MAP2: variants seen among roughly 807,000 people sequenced by gnomAD.
MAP2 encodes the protein microtubule associated protein 2.
Under a neutral mutation model 137.6 loss-of-function variants are expected in MAP2, and 14 were observed. The observed-to-expected ratio is 0.10, with a 90% CI of 0.07 to 0.16. The LOEUF (loss-of-function observed/expected upper bound fraction) is 0.16, where lower values mean the gene tolerates loss of function less well. MAP2 is among the 10% of genes least tolerant of loss of function. The pLI, the probability that MAP2 is intolerant of heterozygous loss-of-function variation, is 1.00. For synonymous variants in MAP2, 786 were observed against 782.3 expected (o/e 1.00, Z -0.08); for missense variants, 2,088 against 2,191.5 (o/e 0.95, Z 0.94).
In MAP2 at chr2:209,456,200, C is replaced by T. The variant is rs116097265; in HGVS notation, c.-222+31924C>T. On this transcript the variant is annotated intron_variant, in intron 1 of 15. Coordinates refer to ENST00000682079, the MANE Select transcript of MAP2 (RefSeq NM_001375505.1). Reference sequence around the variant, plus strand: ...GGTGAATCCTGTCACTTTCAGGAATCGGAAAGGATTTATAAGATCTTCCAG... The same window carrying T: ...GGTGAATCCTGTCACTTTCAGGAATTGGAAAGGATTTATAAGATCTTCCAG... Among the ~76,000 whole-genome samples, 267 of 152,190 alleles carry T rather than the reference C, an allele frequency of 1.8e-3. 1 individual carries two copies. The highest frequency in any genetic ancestry group is 6.1e-3 in the African/African-American group (255 of 41,526).
At chr2:209,665,606 G>A (rs778682797) in intron 5 of MAP2, among the ~76,000 whole-genome samples, 18 of 152,046 alleles carry the variant, frequency 1.2e-4, no homozygotes, top group Admixed American at 2.0e-4. Flanking sequence ...GTATCGTCTT[G>A]GAAAGATATT....
At chr2:209,515,059 C>T (rs144282816) in intron 2 of MAP2, among the ~76,000 whole-genome samples, 21 of 152,112 alleles carry the variant, frequency 1.4e-4, no homozygotes, top group Non-Finnish European at 2.8e-4. Flanking sequence ...CATAACAAAC[C>T]GACATGGATT....
chr2:209,474,118 C>T (rs1201513250), intron 1 of MAP2, among the ~76,000 whole-genome samples: 1 of 61,594 alleles, frequency 1.6e-5, no homozygotes, highest in Non-Finnish European at 3.1e-5. Flanking sequence ...ACCTTAGATG[C>T]TCTCTATAGT....
At position 209,434,101 on chromosome 2, in the gene MAP2, C is replaced by G. The variant is rs180788822; in HGVS notation, c.-222+9825C>G. Among the ~76,000 whole-genome samples, 217 of 152,130 alleles carry G rather than the reference C, an allele frequency of 1.4e-3. 1 individual carries two copies. The highest frequency in any genetic ancestry group is 5.1e-3 in the African/African-American group (212 of 41,526). On this transcript the variant is annotated intron_variant, in intron 1 of 15. Transcript: ENST00000682079. The stretch of plus-strand genomic sequence containing the variant: ...ATCCAGTTTCATGATAATCTTGAAT[C>G]ATGTATGAGATTAATAAGCAGTGTA...
rs2075821234 is a variant in MAP2, at chr2:209,731,861, T to A, written c.*1464T>A. 6.6e-6 allele frequency: 1 copy of A among 152,022 alleles called. No individual in the cohort carries two copies. The highest frequency in any genetic ancestry group is 2.4e-5 in the African/African-American group (1 of 41,378). 9.4% of individuals were successfully genotyped at this position (152,022 alleles called of 1,614,324 possible). Reference sequence around the variant, plus strand: ...ATCTAAATCAGTTTTTTTCCAAGACTCCAACATTGCACTCTGTAAAGTAAC... The same window carrying A: ...ATCTAAATCAGTTTTTTTCCAAGACACCAACATTGCACTCTGTAAAGTAAC... On this transcript the variant is annotated 3_prime_UTR_variant, in exon 16 of 16. Coordinates refer to ENST00000682079, the MANE Select transcript of MAP2 (RefSeq NM_001375505.1).
At chr2:209,495,779 T>G (rs994246044) in intron 1 of MAP2, among the ~76,000 whole-genome samples, 1 of 152,252 alleles carries the variant, frequency 6.6e-6, no homozygotes, top group African/African-American at 2.4e-5. Flanking sequence ...AATACTCATT[T>G]CCTATAATTG....
chr2:209,504,266 TA>T (rs11389534), intron 1 of MAP2, among the ~76,000 whole-genome samples: 12 of 149,526 alleles, frequency 8.0e-5, no homozygotes, highest in African/African-American at 1.7e-4. Context: ...AACTGAACTT[TA>T]AAAAAAAAAA....
rs1044146752 is a variant in MAP2, at chr2:209,569,256, C to T, written c.-171-10780C>T. 5.3e-5 allele frequency among the ~76,000 whole-genome samples: 8 copies of T among 151,554 alleles called. 1 individual carries two copies. The highest frequency in any genetic ancestry group is 1.9e-4 in the African/African-American group (8 of 41,334). On this transcript the variant is annotated intron_variant, in intron 2 of 15. Transcript: ENST00000682079. ...TCTCATGATTTCTGAAACTTTTAGCCCTAAGACTTTTAGGAAGGTAATTTA... is the reference window on the plus strand; with the variant it reads ...TCTCATGATTTCTGAAACTTTTAGCTCTAAGACTTTTAGGAAGGTAATTTA...
At chr2:209,496,923 G>A (rs1296985214) in intron 1 of MAP2, among the ~76,000 whole-genome samples, 24 of 151,808 alleles carry the variant, frequency 1.6e-4, no homozygotes, top group Admixed American at 1.6e-3. Flanking sequence ...AGGACTACAG[G>A]TGTGCACTAC....
chr2:209,696,545 A>G lies in MAP2; in HGVS notation c.4184A>G (p.Asp1395Gly). The change falls in exon 9 of 16, where the codon GAT (aspartate) becomes GGT (glycine). Residue 1395 changes from aspartate to glycine, a missense_variant. Asp to Gly is a moderately conservative substitution (Grantham distance 94, BLOSUM62 -1). This residue lies in a region of MAP2 where 591 missense variants were observed against 642.6 expected (regional missense o/e 0.92). Coordinates refer to ENST00000682079, the MANE Select transcript of MAP2 (RefSeq NM_001375505.1). ...ADSLWVDTQD[D>G]DRSIMTEQLE... The stretch of plus-strand genomic sequence containing the variant: ...CATGATTTGCTTTGATCCACAGATG[A>G]TGATAGGAGCATCATGACAGAACAG... 3 of 1,609,102 alleles carry G rather than the reference A, an allele frequency of 1.9e-6. No individual in the cohort carries two copies. The highest frequency in any genetic ancestry group is 2.5e-6 in the Non-Finnish European group (3 of 1,178,206).
chr2:209,705,621 A>G lies in MAP2; in HGVS notation c.4626A>G (p.Pro1542=). ...GCCCAGAAAAGCGCTCTTCTCTCCCAAGACCTTCCTCCATTCTCCCTCCTC... is the reference window on the plus strand; with the variant it reads ...GCCCAGAAAAGCGCTCTTCTCTCCCGAGACCTTCCTCCATTCTCCCTCCTC... ...TKSPEKRSSL[P]RPSSILPPRR... The change falls in exon 12 of 16, where the codon CCA becomes CCG. Residue 1542 remains proline (P), a synonymous_variant. Transcript: ENST00000682079. The G allele has an allele frequency of 1.9e-6, 3 of 1,612,878 alleles. No homozygotes were observed. The South Asian group carries it at 3.3e-5, about 18-fold the overall frequency.
chr2:209,703,690 AAGAG>A (rs901168401), intron 11 of MAP2, among the ~76,000 whole-genome samples: 1 of 152,100 alleles, frequency 6.6e-6, no homozygotes, highest in Non-Finnish European at 1.5e-5. Flanking sequence ...TTTAAAGAGA[AAGAG>A]AGACTTGCTT....
chr2:209,444,426 G>A (rs1177719022), intron 1 of MAP2, among the ~76,000 whole-genome samples: 2 of 151,458 alleles, frequency 1.3e-5, no homozygotes, highest in African/African-American at 4.8e-5. Context: ...AGTCTTGTAT[G>A]ACAAGTACGT....
chr2:209,690,791 G>A, intron 7 of MAP2: 1 of 1,289,772 alleles, frequency 7.8e-7, no homozygotes, highest in Non-Finnish European at 1.0e-6. Context: ...TGAGAAAAGT[G>A]TAAAAGAGGT....
intron 2 of MAP2, among the ~76,000 whole-genome samples, chr2:209,525,116 T>C (rs1249738342): frequency 6.6e-6 from 1 of 152,160 alleles, no homozygotes; most frequent in Non-Finnish European, 1.5e-5. Flanking sequence ...TATTAGAAAT[T>C]AAATAAAGAC....
intron 3 of MAP2, among the ~76,000 whole-genome samples, chr2:209,590,348 T>C (rs1315034178): frequency 6.6e-6 from 1 of 152,188 alleles, no homozygotes; most frequent in Non-Finnish European, 1.5e-5. Context: ...AAGAATTTTT[T>C]TTTTGAGATG....
intron 12 of MAP2, among the ~76,000 whole-genome samples, chr2:209,707,156 AATGG>A (rs2063693430): frequency 2.0e-5 from 3 of 152,156 alleles, no homozygotes; most frequent in African/African-American, 7.2e-5. Flanking sequence ...ATAAAAGCAA[AATGG>A]CACTTTCTCC....
chr2:209,573,973 C>G (rs1450037285), intron 2 of MAP2, among the ~76,000 whole-genome samples: 1 of 151,880 alleles, frequency 6.6e-6, no homozygotes, highest in African/African-American at 2.4e-5. Flanking sequence ...TTTTTTATTG[C>G]CAAACAATAT....
intron 3 of MAP2, among the ~76,000 whole-genome samples, chr2:209,592,101 A>C (rs2153433036): frequency 6.6e-6 from 1 of 152,228 alleles, no homozygotes; most frequent in East Asian, 1.9e-4. Context: ...TTTCAACCTA[A>C]TTTCTTTCTT....
Sources: allele counts gnomAD v4.1 joint callset (sites outside exome capture counted in the v4.1 genomes callset), GRCh38; gene constraint gnomAD v4.1.1; regional missense constraint gnomAD v4.1.1; transcripts MANE v1.5; gene names NCBI Gene and HGNC (gene_info 2026-07-23, HGNC 2026-07-21).